RBFOX1: variants seen among roughly 807,000 people sequenced by gnomAD.
RBFOX1 encodes RNA binding fox-1 homolog 1.
Under a neutral mutation model 57.7 loss-of-function variants are expected in RBFOX1, and 8 were observed. The observed-to-expected ratio is 0.14, with a 90% confidence interval of 0.08 to 0.25. RBFOX1 has a LOEUF of 0.25. RBFOX1 is among the 10% of genes least tolerant of loss of function. The pLI is 1.00. For missense variants in RBFOX1, 611 were observed against 548.5 expected (o/e 1.11, Z -1.14); for synonymous variants, 326 against 222.4 (o/e 1.47, Z -4.15).
At chr16:6,413,678 G>A (rs1223756114) in intron 2 of RBFOX1, among the ~76,000 whole-genome samples, 1 of 152,168 alleles carries the variant, frequency 6.6e-6, no homozygotes, top group Non-Finnish European at 1.5e-5. Flanking sequence ...CATTTTGTTG[G>A]AAGAAATCCA....
intron 3 of RBFOX1, among the ~76,000 whole-genome samples, chr16:6,925,024 T>C (rs2075282188): frequency 6.6e-6 from 1 of 151,346 alleles, no homozygotes; most frequent in Admixed American, 6.6e-5. Context: ...AACTCATCAT[T>C]TTTTATGGCT....
chr16:6,835,202 G>A (rs1194062244), intron 3 of RBFOX1, among the ~76,000 whole-genome samples: 2 of 152,128 alleles, frequency 1.3e-5, no homozygotes, highest in African/African-American at 4.8e-5. Flanking sequence ...CGCCCGACCG[G>A]CCTGACTTCT....
At chr16:5,542,654 T>A (rs189539634) in intron 2 of RBFOX1, among the ~76,000 whole-genome samples, 119 of 152,272 alleles carry the variant, frequency 7.8e-4, no homozygotes, top group Non-Finnish European at 8.8e-5. Flanking sequence ...CACGCAACAC[T>A]TCCATTGTTA....
chr16:6,000,992 G>A (rs1446873674), intron 4 of RBFOX1, among the ~76,000 whole-genome samples: 1 of 152,088 alleles, frequency 6.6e-6, no homozygotes, highest in Non-Finnish European at 1.5e-5. Context: ...TGGATAGCTG[G>A]GTGGATTGAC....
chr16:5,876,511 T>A (rs2057615338), intron 4 of RBFOX1, among the ~76,000 whole-genome samples: 1 of 152,178 alleles, frequency 6.6e-6, no homozygotes, highest in African/African-American at 2.4e-5. Flanking sequence ...CTCAGTCTTT[T>A]AAACCTAGAG....
At chr16:7,552,270 A>T (rs573559155) in intron 5 of RBFOX1, among the ~76,000 whole-genome samples, 59 of 152,054 alleles carry the variant, frequency 3.9e-4, no homozygotes, top group African/African-American at 1.3e-3. Context: ...TTCCATGTCT[A>T]TGAGAGCTTT....
At chr16:7,279,556 G>C (rs894519868) in intron 4 of RBFOX1, among the ~76,000 whole-genome samples, 1 of 152,148 alleles carries the variant, frequency 6.6e-6, no homozygotes, top group African/African-American at 2.4e-5. Flanking sequence ...AAAGTGACAG[G>C]CTGATACTAT....
At chr16:7,292,288 C>CAT (rs1555675770) in intron 4 of RBFOX1, among the ~76,000 whole-genome samples, 1 of 119,652 alleles carries the variant, frequency 8.4e-6, no homozygotes, top group Non-Finnish European at 1.6e-5. Flanking sequence ...TATCATATAT[C>CAT]ATATATGATA....
intron 3 of RBFOX1, among the ~76,000 whole-genome samples, chr16:5,624,928 G>A (rs2048305108): frequency 6.6e-6 from 1 of 152,184 alleles, no homozygotes. Flanking sequence ...GTGCCAAACA[G>A]CAAAATGCAC....
At chr16:6,149,793 G>A (rs369214071) in intron 1 of RBFOX1, among the ~76,000 whole-genome samples, 1 of 152,184 alleles carries the variant, frequency 6.6e-6, no homozygotes, top group East Asian at 1.9e-4. Flanking sequence ...AATGTTGGGA[G>A]GATAGAACTT....
chr16:7,328,018 G>A (rs529830351), intron 4 of RBFOX1, among the ~76,000 whole-genome samples: 38 of 152,090 alleles, frequency 2.5e-4, no homozygotes, highest in South Asian at 1.0e-3. Flanking sequence ...TTTCATTGAC[G>A]TCTAAACTTT....
intron 3 of RBFOX1, among the ~76,000 whole-genome samples, chr16:6,925,905 A>G (rs921885770): frequency 6.6e-5 from 10 of 152,096 alleles, no homozygotes; most frequent in Non-Finnish European, 1.5e-4. Context: ...TTTATCATCT[A>G]TTTATTTATT....
At chr16:5,653,919 G>C (rs1168786123) in intron 3 of RBFOX1, among the ~76,000 whole-genome samples, 2 of 152,182 alleles carry the variant, frequency 1.3e-5, no homozygotes, top group African/African-American at 4.8e-5. Context: ...TAAAGTCAGT[G>C]TCTGCTCGTC....
chr16:7,431,363 GC>G (rs1377835416), intron 4 of RBFOX1: 5 of 151,968 alleles, frequency 3.3e-5, no homozygotes, highest in African/African-American at 1.2e-4. Context: ...AGTAGCTGGG[GC>G]TACAGGTCTG....
intron 2 of RBFOX1, among the ~76,000 whole-genome samples, chr16:6,478,529 C>T (rs929298939): frequency 4.3e-4 from 64 of 147,680 alleles, no homozygotes; most frequent in African/African-American, 1.5e-3. Context: ...TTGCCTTGGC[C>T]TCCCAAAATG....
At chr16:5,389,433 C>T (rs78684604) in intron 1 of RBFOX1, among the ~76,000 whole-genome samples, 5,545 of 152,094 alleles carry the variant, frequency 0.036, 363 homozygotes, top group African/African-American at 0.13. Context: ...CCACTTGATG[C>T]AAATAGCGCT....
At chr16:7,410,610 G>T (rs559342357) in intron 4 of RBFOX1, among the ~76,000 whole-genome samples, 5 of 152,332 alleles carry the variant, frequency 3.3e-5, no homozygotes, top group South Asian at 4.1e-4. Flanking sequence ...CCAGAAGGCA[G>T]AGGTTGCAGT....
At chr16:7,243,230 C>G (rs948353580) in intron 4 of RBFOX1, among the ~76,000 whole-genome samples, 2 of 152,182 alleles carry the variant, frequency 1.3e-5, no homozygotes, top group African/African-American at 2.4e-5. Flanking sequence ...ACTCCAAGCA[C>G]TTGGCATGAA....
intron 1 of RBFOX1, among the ~76,000 whole-genome samples, chr16:6,219,237 G>C (rs1198383571): frequency 6.6e-6 from 1 of 152,216 alleles, no homozygotes; most frequent in Admixed American, 6.5e-5. Context: ...GGGAGGCTGA[G>C]GTGGGAGGAT....
Sources: gnomAD v4.1 joint callset for allele counts (sites outside exome capture counted in the v4.1 genomes callset) on GRCh38, gnomAD v4.1.1 for gene constraint, MANE v1.5 for transcripts, NCBI Gene and HGNC (gene_info 2026-07-23, HGNC 2026-07-21) for gene names.